KHDRBS1: variants seen among roughly 807,000 people sequenced by gnomAD.
KHDRBS1 encodes the protein KH domain-containing, RNA-binding, signal transduction-associated protein 1.
A neutral mutation model predicts 48.4 loss-of-function variants in KHDRBS1; 7 were observed. That is an observed-to-expected ratio of 0.14 (90% CI 0.08 to 0.27). The LOEUF (loss-of-function observed/expected upper bound fraction) is 0.27. Among genes scored for constraint, KHDRBS1 ranks in the 10% least tolerant of loss-of-function variants. The probability of loss-of-function intolerance (pLI) is 1.00; values close to 1 mark genes in which losing one functional copy is unlikely to be tolerated. For synonymous variants in KHDRBS1, 241 were observed against 235.8 expected (o/e 1.02, Z -0.20); for missense variants, 458 against 601.2 (o/e 0.76, Z 2.49).
chr1:32,014,045 G>A lies in KHDRBS1; in HGVS notation c.50G>A (p.Arg17His), dbSNP rs1487679274. 1.3e-6 allele frequency: 2 copies of A among 1,519,790 alleles called. No individual in the cohort carries two copies. Among genetic ancestry groups the A allele is most frequent in the South Asian group, 1.2e-5 (1 of 82,188 alleles). The allele number at this position is 1,519,790 out of a possible 1,614,324, so 94.1% of individuals were successfully genotyped here. A position where few individuals can be genotyped will look rare whatever the true frequency, so the allele number is the denominator to read the frequency against. ...PAARMSRSSGRSGSMDPSGAH... is the reference protein window; with the variant it reads ...PAARMSRSSGHSGSMDPSGAH... ...GCGCGCATGAGCCGGTCTTCGGGCC[G>A]TAGCGGCTCCATGGACCCCTCCGGT... Residue 17 changes from arginine to histidine, a missense_variant, in exon 1 of 9, where the codon CGT (arginine) becomes CAT (histidine). This residue lies in a region of KHDRBS1 where 213 missense variants were observed against 215.6 expected (regional missense o/e 0.99). Transcript: ENST00000327300.
At chr1:32,060,744 C>T (rs1286553180) in exon 11 of KHDRBS1, 2 of 152,178 alleles carry the variant, frequency 1.3e-5, no homozygotes, top group Non-Finnish European at 2.9e-5. Flanking sequence ...CTTACCTTGT[C>T]CAAAAAGGTC....
intron 1 of KHDRBS1, among the ~76,000 whole-genome samples, chr1:32,027,104 A>AT (rs35764837): frequency 1.5e-4 from 23 of 151,552 alleles, no homozygotes; most frequent in Non-Finnish European, 2.8e-4. Context: ...CTATGTATAT[A>AT]TTTTTTTAGT....
chr1:32,019,698 A>G (rs1476884183), intron 1 of KHDRBS1, among the ~76,000 whole-genome samples: 1 of 152,226 alleles, frequency 6.6e-6, no homozygotes. Flanking sequence ...ATTTCTATAA[A>G]ACAAAGCCTA....
At chr1:32,024,001 C>T (rs1638912453) in intron 1 of KHDRBS1, among the ~76,000 whole-genome samples, 1 of 152,326 alleles carries the variant, frequency 6.6e-6, no homozygotes, top group African/African-American at 2.4e-5. Flanking sequence ...CCTGTAATTC[C>T]AGCACTTTGG....
At chr1:32,041,692 C>A (rs1231038380) in intron 8 of KHDRBS1, among the ~76,000 whole-genome samples, 1 of 145,050 alleles carries the variant, frequency 6.9e-6, no homozygotes, top group Non-Finnish European at 1.5e-5. Context: ...CAGGTTCAAG[C>A]ACTTCTCCTG....
At chr1:32,016,192 A>G (rs955320646) in intron 1 of KHDRBS1, among the ~76,000 whole-genome samples, 13 of 151,844 alleles carry the variant, frequency 8.6e-5, no homozygotes, top group Non-Finnish European at 1.6e-4. Flanking sequence ...AAAGGAAAAA[A>G]AAAAAAAAAA....
At chr1:32,047,162 T>G (rs538998622), downstream of KHDRBS1, among the ~76,000 whole-genome samples, 12 of 152,220 alleles carry the variant, frequency 7.9e-5, no homozygotes, top group East Asian at 7.7e-4. Context: ...CCTGTGAACT[T>G]TATTTATTTA....
intron 1 of KHDRBS1, among the ~76,000 whole-genome samples, chr1:32,028,350 C>T (rs934904278): frequency 4.6e-5 from 7 of 151,550 alleles, no homozygotes; most frequent in Non-Finnish European, 1.0e-4. Context: ...GATTGTGATG[C>T]ATGAAGAAGT....
chr1:32,039,015 T>C (rs981340620), intron 7 of KHDRBS1, among the ~76,000 whole-genome samples: 1 of 152,236 alleles, frequency 6.6e-6, no homozygotes, highest in African/African-American at 2.4e-5. Context: ...TATTTTGATT[T>C]ATTATTTTAA....
In KHDRBS1 at chr1:32,014,176, A is replaced by G; in HGVS notation, c.181A>G (p.Thr61Ala). The change falls in exon 1 of 9, where the codon ACG (threonine) becomes GCG (alanine). Residue 61 changes from threonine to alanine, a missense_variant. Transcript: ENST00000327300. ...SRGGARASPA[T>A]QPPPLLPPSA... ...CGGGGGCGCCCGGGCCTCGCCCGCCACGCAGCCGCCACCGCTGCTGCCGCC... is the reference window on the plus strand; with the variant it reads ...CGGGGGCGCCCGGGCCTCGCCCGCCGCGCAGCCGCCACCGCTGCTGCCGCC... 3.0e-6 allele frequency: 4 copies of G among 1,314,380 alleles called. No individual in the cohort carries two copies. The highest frequency in any genetic ancestry group is 3.9e-6 in the Non-Finnish European group (4 of 1,030,278). 81.4% of individuals were successfully genotyped at this position (1,314,380 alleles called of 1,614,324 possible).
At chr1:32,057,833 G>C (rs1639497755) in intron 10 of KHDRBS1, among the ~76,000 whole-genome samples, 1 of 148,722 alleles carries the variant, frequency 6.7e-6, no homozygotes, top group Non-Finnish European at 1.5e-5. Flanking sequence ...TGGGGTCTCA[G>C]GGGCCGGGTG....
intron 4 of KHDRBS1, 81 bp from the exon 5 acceptor site, chr1:32,036,829 T>G (rs3738002): frequency 6.9e-7 from 1 of 1,449,406 alleles, no homozygotes; most frequent in Non-Finnish European, 9.3e-7. Flanking sequence ...CTTCTTAGAA[T>G]TCAAGTCTCC....
chr1:32,027,332 G>A (rs542175150), intron 1 of KHDRBS1, among the ~76,000 whole-genome samples: 2 of 152,288 alleles, frequency 1.3e-5, no homozygotes, highest in East Asian at 1.9e-4. Context: ...AAGTTTTCCA[G>A]TCTGAGAACT....
intron 10 of KHDRBS1, among the ~76,000 whole-genome samples, chr1:32,058,099 TAA>T (rs1387788857): frequency 1.3e-5 from 2 of 148,988 alleles, no homozygotes; most frequent in Non-Finnish European, 3.0e-5. Context: ...GACTGGGCAA[TAA>T]GAGTGAAACT....
chr1:32,021,193 A>C (rs1424021852), intron 1 of KHDRBS1, among the ~76,000 whole-genome samples: 4 of 152,180 alleles, frequency 2.6e-5, no homozygotes, highest in Non-Finnish European at 5.9e-5. Flanking sequence ...GACCATAGTC[A>C]ATATGACAGA....
intron 1 of KHDRBS1, among the ~76,000 whole-genome samples, chr1:32,027,074 C>T (rs1170261594): frequency 6.6e-6 from 1 of 152,180 alleles, no homozygotes; most frequent in Non-Finnish European, 1.5e-5. Context: ...GGATTACAGG[C>T]GTGAGCCAAC....
chr1:32,015,350 T>C lies in KHDRBS1; in HGVS notation c.382+973T>C, dbSNP rs1638719237. Among the ~76,000 whole-genome samples, 4 of 152,352 alleles carry C rather than the reference T, an allele frequency of 2.6e-5. No individual in the cohort carries two copies. The South Asian group carries it at 6.2e-4, about 24-fold the overall frequency. On this transcript the variant is annotated intron_variant, in intron 1 of 8. Coordinates refer to ENST00000327300, the MANE Select transcript of KHDRBS1 (RefSeq NM_006559.3). The stretch of plus-strand genomic sequence containing the variant: ...GCTTCTAGTTAAAATATTATTTTAA[T>C]ATTTTTTATGATACCTAAATTTTAC...
chr1:32,037,006 G>C lies in KHDRBS1; in HGVS notation c.868G>C (p.Gly290Arg), dbSNP rs572836183. ...TCGTGGACGTGGGGTGCCAGTGAGAGGCCGGGGAGCTGCACCTCCTCCACC... is the reference window on the plus strand; with the variant it reads ...TCGTGGACGTGGGGTGCCAGTGAGACGCCGGGGAGCTGCACCTCCTCCACC... ...PSRGRGVPVRGRGAAPPPPPV... is the reference protein window; with the variant it reads ...PSRGRGVPVRRRGAAPPPPPV... The change falls in exon 5 of 9, where the codon GGC (glycine) becomes CGC (arginine). Residue 290 changes from glycine (G) to arginine (R), a missense_variant. Gly to Arg is a moderately radical substitution (Grantham distance 125, BLOSUM62 -2). Coordinates refer to ENST00000327300, the MANE Select transcript of KHDRBS1 (RefSeq NM_006559.3). The C allele has an allele frequency of 1.2e-6, 2 of 1,614,078 alleles. No individual in the cohort carries two copies. Among genetic ancestry groups the C allele is most frequent in the African/African-American group, 2.7e-5 (2 of 75,012 alleles).
At chr1:32,022,115 G>A (rs535574890) in intron 1 of KHDRBS1, among the ~76,000 whole-genome samples, 28 of 152,040 alleles carry the variant, frequency 1.8e-4, no homozygotes, top group African/African-American at 4.3e-4. Flanking sequence ...CTACAGGAGC[G>A]CGCCACCACG....
Sources: allele counts gnomAD v4.1 joint callset (sites outside exome capture counted in the v4.1 genomes callset), GRCh38; gene constraint gnomAD v4.1.1; regional missense constraint gnomAD v4.1.1; transcripts MANE v1.5; gene names NCBI Gene and HGNC (gene_info 2026-07-23, HGNC 2026-07-21).